Variants in HS3ST4 observed in about 807,000 individuals in gnomAD.
HS3ST4 encodes heparan sulfate-glucosamine 3-sulfotransferase 4, also known as heparan sulfate glucosamine 3-O-sulfotransferase 4.
Under a neutral mutation model 29.2 loss-of-function variants are expected in HS3ST4, and 17 were observed. That is an observed-to-expected ratio of 0.58 (90% CI 0.40 to 0.87). HS3ST4 has a LOEUF of 0.87. Ranked by LOEUF, HS3ST4 falls within the 40% of genes least tolerant of loss-of-function variation. The probability of loss-of-function intolerance (pLI) is 0.00; values close to 1 mark genes in which losing one functional copy is unlikely to be tolerated. For missense variants in HS3ST4, 627 were observed against 634.5 expected, an observed-to-expected ratio of 0.99 and a Z score of 0.13; for synonymous variants, 314 against 285.7, an observed-to-expected ratio of 1.10 and a Z score of -1.00.
intron 1 of HS3ST4, among the ~76,000 whole-genome samples, chr16:25,734,764 C>T (rs189351330): frequency 6.6e-6 from 1 of 152,276 alleles, no homozygotes; most frequent in East Asian, 1.9e-4. Context: ...TGTATTCCAA[C>T]AGAAGCCTTT....
intron 1 of HS3ST4, among the ~76,000 whole-genome samples, chr16:25,911,496 GTTTT>G (rs542274531): frequency 0.094 from 7,662 of 81,632 alleles, 584 homozygotes; most frequent in East Asian, 0.49. Context: ...CCGTTGTGTG[GTTTT>G]TTTTTTTTTT....
intron 1 of HS3ST4, among the ~76,000 whole-genome samples, chr16:25,789,175 G>A (rs1202499485): frequency 6.6e-6 from 1 of 152,034 alleles, no homozygotes; most frequent in African/African-American, 2.4e-5. Flanking sequence ...AGCCATAAAG[G>A]ATGTTATTTA....
chr16:25,941,098 A>C (rs563448683), intron 1 of HS3ST4, among the ~76,000 whole-genome samples: 11 of 152,110 alleles, frequency 7.2e-5, no homozygotes, highest in Non-Finnish European at 1.6e-4. Context: ...TTGAGACCAA[A>C]ATAGTTCCTC....
intron 1 of HS3ST4, among the ~76,000 whole-genome samples, chr16:25,977,974 C>T (rs1324814331): frequency 6.6e-6 from 1 of 152,132 alleles, no homozygotes; most frequent in Non-Finnish European, 1.5e-5. Context: ...AGAGGCTGAC[C>T]CAAGTGTGCC....
At chr16:26,084,703 G>T (rs549617166) in intron 1 of HS3ST4, among the ~76,000 whole-genome samples, 52 of 152,100 alleles carry the variant, frequency 3.4e-4, no homozygotes, top group South Asian at 3.1e-3. Flanking sequence ...CAAACTCCTG[G>T]GCGCAAACCA....
chr16:26,060,699 C>T (rs960666306), intron 1 of HS3ST4, among the ~76,000 whole-genome samples: 1 of 152,164 alleles, frequency 6.6e-6, no homozygotes, highest in Non-Finnish European at 1.5e-5. Flanking sequence ...TTGAGCACCT[C>T]ATATGTGTTT....
chr16:25,734,121 AAAC>A (rs1966590406), intron 1 of HS3ST4, among the ~76,000 whole-genome samples: 3 of 148,398 alleles, frequency 2.0e-5, no homozygotes, highest in South Asian at 4.1e-4. Context: ...CGTCTCAAAA[AAAC>A]AAAACAAAAC....
In HS3ST4 at chr16:25,862,211, A is replaced by ATT. The variant is rs1967645629; in HGVS notation, c.734+169060_734+169061insTT. 3.4e-5 allele frequency among the ~76,000 whole-genome samples: 3 copies of ATT among 88,696 alleles called. No homozygotes were observed. The South Asian group carries it at 1.1e-3, about 34-fold the overall frequency. The allele number at this position is 88,696 out of a possible 152,430, so 58.2% of individuals were successfully genotyped here. A position where few individuals can be genotyped will look rare whatever the true frequency, so the allele number is the denominator to read the frequency against. The stretch of plus-strand genomic sequence containing the variant: ...TTTATTTATTTATTTATTTATTTTT[A>ATT]AGACAGAGCCTCACTCTGTTGCCCA... On this transcript the variant is annotated intron_variant, in intron 1 of 1. Transcript: ENST00000331351.
In HS3ST4 at chr16:25,692,697, C is replaced by A; in HGVS notation, c.280C>A (p.Pro94Thr). ...LLPTPVRLGA[P>T]SQPPAPPPLD... ...GCCTACCCCCGTGCGCCTCGGCGCC[C>A]CCTCGCAGCCGCCCGCGCCGCCGCC... Residue 94 changes from proline (P) to threonine (T), a missense_variant, in exon 1 of 2, where the codon CCC (proline) becomes ACC (threonine). Physicochemically the swap from Pro to Thr is conservative, Grantham distance 38 (BLOSUM62 -1). Transcript: ENST00000331351. 2 of 1,230,454 alleles carry A rather than the reference C, an allele frequency of 1.6e-6. No homozygotes were observed. The highest frequency in any genetic ancestry group is 2.0e-6 in the Non-Finnish European group (2 of 988,956). The allele number at this position is 1,230,454 out of a possible 1,614,324, so 76.2% of individuals were successfully genotyped here. A position where few individuals can be genotyped will look rare whatever the true frequency, so the allele number is the denominator to read the frequency against.
chr16:25,768,245 C>T (rs1352846625), intron 1 of HS3ST4, among the ~76,000 whole-genome samples: 1 of 152,222 alleles, frequency 6.6e-6, no homozygotes, highest in African/African-American at 2.4e-5. Flanking sequence ...CGTACACACA[C>T]ATTCATCAGT....
At chr16:25,749,339 CA>C (rs1479909366) in intron 1 of HS3ST4, among the ~76,000 whole-genome samples, 1 of 151,898 alleles carries the variant, frequency 6.6e-6, no homozygotes, top group East Asian at 1.9e-4. Flanking sequence ...ACTAAAAATA[CA>C]AAAAATTAGC....
At chr16:26,131,815 C>G (rs112638138) in intron 1 of HS3ST4, among the ~76,000 whole-genome samples, 1,872 of 152,256 alleles carry the variant, frequency 0.012, 35 homozygotes, top group African/African-American at 0.043. Flanking sequence ...TAGGACTGGC[C>G]TACACTTAGG....
intron 1 of HS3ST4, among the ~76,000 whole-genome samples, chr16:25,823,815 T>C (rs540507667): frequency 6.6e-6 from 1 of 152,320 alleles, no homozygotes; most frequent in South Asian, 2.1e-4. Flanking sequence ...CTGCCTGCCT[T>C]GGTCTCTCAA....
At chr16:25,786,357 C>G (rs1966857690) in intron 1 of HS3ST4, among the ~76,000 whole-genome samples, 1 of 152,120 alleles carries the variant, frequency 6.6e-6, no homozygotes, top group Non-Finnish European at 1.5e-5. Flanking sequence ...TCTCAATCTC[C>G]TCTTAGGATA....
chr16:25,893,702 C>T (rs1382135144), intron 1 of HS3ST4, among the ~76,000 whole-genome samples: 2 of 152,210 alleles, frequency 1.3e-5, no homozygotes, highest in African/African-American at 2.4e-5. Flanking sequence ...GCAGCCCCAC[C>T]CCTTCCACTG....
chr16:25,891,679 G>T (rs956055103), intron 1 of HS3ST4, among the ~76,000 whole-genome samples: 5 of 152,220 alleles, frequency 3.3e-5, no homozygotes, highest in Non-Finnish European at 5.9e-5. Context: ...GCCCTCAAAT[G>T]AAAGGGATGT....
chr16:26,136,351 T>A lies in HS3ST4; in HGVS notation c.*103T>A. The A allele has an allele frequency of 9.1e-7, 1 of 1,096,006 alleles. No individual in the cohort carries two copies. The highest frequency in any genetic ancestry group is 1.3e-6 in the Non-Finnish European group (1 of 782,132). The allele number at this position is 1,096,006 out of a possible 1,614,324, so 67.9% of individuals were successfully genotyped here. ...CAGCTTCACTTGCTGGAGTGCCAAG[T>A]AGATCTCCTCCTCCTTCATGCAGCC... On this transcript the variant is annotated 3_prime_UTR_variant, in exon 2 of 2. Coordinates refer to ENST00000331351, the MANE Select transcript of HS3ST4 (RefSeq NM_006040.3).
chr16:26,129,703 G>C (rs759900840), intron 1 of HS3ST4, among the ~76,000 whole-genome samples: 3 of 152,194 alleles, frequency 2.0e-5, no homozygotes, highest in South Asian at 2.1e-4. Flanking sequence ...GGATCACACA[G>C]TTAATCAGTG....
chr16:26,034,156 T>TAG (rs2141755025), intron 1 of HS3ST4, among the ~76,000 whole-genome samples: 1 of 152,154 alleles, frequency 6.6e-6, no homozygotes, highest in South Asian at 2.1e-4. Context: ...CTGACATCCA[T>TAG]AGGTTCCTGG....
Sources: gnomAD v4.1 joint callset for allele counts (sites outside exome capture counted in the v4.1 genomes callset) on GRCh38, gnomAD v4.1.1 for gene constraint, MANE v1.5 for transcripts, NCBI Gene and HGNC (gene_info 2026-07-23, HGNC 2026-07-21) for gene names.